The following CEP152 variants were observed in gnomAD, a reference collection of about 807,000 sequenced individuals.
CEP152 encodes the protein centrosomal protein of 152 kDa.
A neutral mutation model predicts 188.9 loss-of-function variants in CEP152; 132 were observed. The ratio of observed to expected loss-of-function variants is 0.70; its 90% CI spans 0.61 to 0.81. The LOEUF is 0.81. Among genes scored for constraint, CEP152 ranks in the 30% least tolerant of loss-of-function variants. The pLI, the probability that CEP152 is intolerant of heterozygous loss-of-function variation, is 0.00. For synonymous variants in CEP152, 649 were observed against 666.6 expected, an observed-to-expected ratio of 0.97 and a Z score of 0.41; for missense variants, 1,914 against 1,969.8, an observed-to-expected ratio of 0.97 and a Z score of 0.54.
In CEP152 at chr15:48,738,290, G is replaced by T; in HGVS notation, c.5092C>A (p.Gln1698Lys). 6.2e-7 allele frequency: 1 copy of T among 1,613,858 alleles called. No individual in the cohort carries two copies. ...AATGGGCTATCAAAGCCACTATCTT[G>T]TTGGCTAGATAGCGGAACAATTAAT... is the stretch of plus-strand genomic sequence containing the variant. ...RKLIVPLSSQ[Q>K]DSGFDSPFVN... Residue 1698 changes from glutamine to lysine, a missense_variant, in exon 27 of 27, where the codon CAA becomes AAA. Gln to Lys is a moderately conservative substitution (Grantham distance 53, BLOSUM62 1). Transcript: ENST00000380950.
Position 48,805,650 on chromosome 15 carries a change from G to A in CEP152, c.-1C>T. ...CCACACTGCCAAAGTCTAATGACAT[G>A]GTCCTCCTGTGGGAAGGGAAAGATG... On this transcript the variant is annotated 5_prime_UTR_variant, in exon 2 of 27. Transcript: ENST00000380950. 6.2e-7 allele frequency: 1 copy of A among 1,610,740 alleles called. No homozygotes were observed. Among genetic ancestry groups the A allele is most frequent in the Non-Finnish European group, 8.5e-7 (1 of 1,178,692 alleles).
chr15:48,746,015 C>A (rs1401592526), intron 22 of CEP152, among the ~76,000 whole-genome samples: 1 of 152,126 alleles, frequency 6.6e-6, no homozygotes, highest in African/African-American at 2.4e-5. Context: ...ACTCTATTCC[C>A]CCTGGTGATG....
In CEP152 at chr15:48,762,538, G is replaced by A; in HGVS notation, c.2415C>T (p.Ser805=). 1.9e-6 allele frequency: 3 copies of A among 1,613,878 alleles called. No individual in the cohort carries two copies. The highest frequency in any genetic ancestry group is 2.5e-6 in the Non-Finnish European group (3 of 1,179,962). ...CTATCATAATTGCCATCTCTTTCTT[G>A]GAAATAACATCACTGGTGGTTACTT... The part of the protein sequence containing the change: ...TDQVTTSDVI[S]KKEMAIMIEE... The change falls in exon 18 of 27, where the codon TCC becomes TCT. Residue 805 remains serine (S), a synonymous_variant. Transcript: ENST00000380950.
chr15:48,739,586 T>A (rs964840023), intron 26 of CEP152, among the ~76,000 whole-genome samples: 20 of 152,202 alleles, frequency 1.3e-4, no homozygotes, highest in Non-Finnish European at 2.9e-5. Context: ...CAATAGATGT[T>A]ATAGCAATTT....
At chr15:48,742,310 AATG>A (rs1450531289) in intron 24 of CEP152, among the ~76,000 whole-genome samples, 1 of 152,218 alleles carries the variant, frequency 6.6e-6, no homozygotes, top group Non-Finnish European at 1.5e-5. Context: ...GTTCTTTCGG[AATG>A]ATGACAGCTA....
At chr15:48,753,217 C>A (rs1006053615) in intron 20 of CEP152, among the ~76,000 whole-genome samples, 1 of 152,210 alleles carries the variant, frequency 6.6e-6, no homozygotes, top group Non-Finnish European at 1.5e-5. Flanking sequence ...CAGCTCACTG[C>A]AACCTCCACC....
chr15:48,798,073 A>G (rs1252818602), intron 2 of CEP152, 22 bp from the exon 3 acceptor site: 10 of 1,592,928 alleles, frequency 6.3e-6, no homozygotes, highest in Non-Finnish European at 8.6e-6. Context: ...GGTCTGCATC[A>G]ATATCATACC....
intron 22 of CEP152, among the ~76,000 whole-genome samples, chr15:48,748,039 C>T (rs1245716952): frequency 6.6e-6 from 1 of 152,146 alleles, no homozygotes; most frequent in African/African-American, 2.4e-5. Context: ...AAAACACTGC[C>T]AACAGCATTC....
chr15:48,767,418 T>C lies in CEP152; in HGVS notation c.2064A>G (p.Gln688=), dbSNP rs1456131962. The part of the protein sequence containing the change: ...YQQHHEAMKT[Q]IRESLLAKHA... Reference sequence around the variant, plus strand: ...GCTTTGCTAATAGGCTTTCACGTATTTGAGTTTTCATGGCTTCATGGTGCT... The same window carrying C: ...GCTTTGCTAATAGGCTTTCACGTATCTGAGTTTTCATGGCTTCATGGTGCT... Residue 688 remains glutamine (Q), a synonymous_variant, in exon 16 of 27, where the codon CAA becomes CAG. Coordinates refer to ENST00000380950, the MANE Select transcript of CEP152 (RefSeq NM_001194998.2). 6.2e-7 allele frequency: 1 copy of C among 1,614,028 alleles called. No homozygotes were observed. The highest frequency in any genetic ancestry group is 1.3e-5 in the African/African-American group (1 of 74,918).
chr15:48,744,787 T>C, intron 23 of CEP152, 109 bp downstream of exon 23: 2 of 1,039,684 alleles, frequency 1.9e-6, no homozygotes, highest in South Asian at 3.4e-5. Flanking sequence ...GATTTTCTTC[T>C]TTTTTATACT....
In CEP152 at chr15:48,797,973, A is replaced by G. The variant is rs1211304684; in HGVS notation, c.166T>C (p.Cys56Arg). The change falls in exon 3 of 27, where the codon TGC becomes CGC. Residue 56 changes from cysteine to arginine, a missense_variant. Cys to Arg is a radical substitution (Grantham distance 180). Coordinates refer to ENST00000380950, the MANE Select transcript of CEP152 (RefSeq NM_001194998.2). Reference protein sequence around the residue: ...LSSPELQYSDCSEDGTDGQPH... With the variant: ...LSSPELQYSDRSEDGTDGQPH... ...TGTCCGTCTGTGCCATCCTCGCTGC[A>G]GTCCGAATACTGGAGCTCTGGAGAG... 5.0e-6 allele frequency: 8 copies of G among 1,614,092 alleles called. No homozygotes were observed. The highest frequency in any genetic ancestry group is 6.8e-6 in the Non-Finnish European group (8 of 1,179,978).
chr15:48,753,602 G>C (rs1894047150), intron 20 of CEP152, among the ~76,000 whole-genome samples: 1 of 152,160 alleles, frequency 6.6e-6, no homozygotes, highest in Admixed American at 6.5e-5. Context: ...AGGAAAAGCT[G>C]AACCAAAATG....
chr15:48,801,930 C>T (rs1897689513), intron 2 of CEP152, among the ~76,000 whole-genome samples: 1 of 152,072 alleles, frequency 6.6e-6, no homozygotes, highest in Non-Finnish European at 1.5e-5. Flanking sequence ...CCTGTCTCTA[C>T]TAAAAATACA....
chr15:48,768,883 A>T (rs1291044915), intron 14 of CEP152, 73 bp downstream of exon 14: 1 of 1,184,010 alleles, frequency 8.4e-7, no homozygotes. Flanking sequence ...TATTTGCAAA[A>T]ACTCTATTAT....
At position 48,742,054 on chromosome 15, in the gene CEP152, T is replaced by C; in HGVS notation, c.3882A>G (p.Glu1294=). Residue 1294 remains glutamate (E), a synonymous_variant, in exon 25 of 27, where the codon GAA becomes GAG. Transcript: ENST00000380950. ...YIQESKERAA[E]MVKAEVLRER... is the part of the protein sequence containing the mutation. ...CTCGCAGTACCTCTGCTTTTACCATTTCTGCAGCTCGTTCCTTACTCTCCT... is the reference window on the plus strand; with the variant it reads ...CTCGCAGTACCTCTGCTTTTACCATCTCTGCAGCTCGTTCCTTACTCTCCT... 6.2e-7 allele frequency: 1 copy of C among 1,614,116 alleles called. No homozygotes were observed. The highest frequency in any genetic ancestry group is 8.5e-7 in the Non-Finnish European group (1 of 1,180,002).
Position 48,797,239 on chromosome 15 carries a change from C to T in CEP152, c.540+62G>A, listed in dbSNP as rs1159009225. On this transcript the variant is annotated intron_variant, in intron 5 of 26. Coordinates refer to ENST00000380950, the MANE Select transcript of CEP152 (RefSeq NM_001194998.2). ...CTCACATACATTTCCTGAACACACA[C>T]AAACATCACGCAAATGCGTGTGCAC... is the stretch of plus-strand genomic sequence containing the variant. 3.2e-6 allele frequency: 5 copies of T among 1,580,592 alleles called. No individual in the cohort carries two copies. In the African/African-American group the frequency reaches 4.0e-5, roughly 13 times the overall value.
intron 9 of CEP152, among the ~76,000 whole-genome samples, chr15:48,787,166 T>TTTTTTTTG (rs1555425533): frequency 9.5e-6 from 1 of 105,396 alleles, no homozygotes; most frequent in Non-Finnish European, 1.8e-5. Flanking sequence ...AGCCTTCGTT[T>TTTTTTTTG]TTTTTTTTTT....
In CEP152 at chr15:48,760,201, A is replaced by C; in HGVS notation, c.2628T>G (p.Tyr876Ter). ...WLGELPELAEYQALVKAEQKK... is the reference protein window; with the variant it reads ...WLGELPELAE Reference sequence around the variant, plus strand: ...TCTGTTCTGCCTTCACAAGTGCTTGATACTCTGCCAGCTCTGGTAGTTCTC... The same window carrying C: ...TCTGTTCTGCCTTCACAAGTGCTTGCTACTCTGCCAGCTCTGGTAGTTCTC... The change falls in exon 19 of 27, where the codon TAT becomes TAG. Residue 876 changes from tyrosine to a stop codon, truncating the protein, a stop_gained. Transcript: ENST00000380950. LOFTEE classifies it high-confidence loss of function. 6.2e-7 allele frequency: 1 copy of C among 1,614,078 alleles called. No individual in the cohort carries two copies.
intron 7 of CEP152, among the ~76,000 whole-genome samples, chr15:48,792,162 T>C (rs1897032470): frequency 6.6e-6 from 1 of 152,110 alleles, no homozygotes; most frequent in South Asian, 2.1e-4. Context: ...AGCTAATTTT[T>C]TGTATTTTTA....
Sources: allele counts gnomAD v4.1 joint callset (sites outside exome capture counted in the v4.1 genomes callset), GRCh38; gene constraint gnomAD v4.1.1; transcripts MANE v1.5; gene names NCBI Gene and HGNC (gene_info 2026-07-23, HGNC 2026-07-21).